Variants in ROBO2 observed in about 807,000 individuals in gnomAD.
The protein encoded by ROBO2 is roundabout guidance receptor 2.
In ROBO2, 53 loss-of-function variants were observed where a neutral mutation model predicts 160.8. That is an observed-to-expected ratio of 0.33 (90% CI 0.26 to 0.41). ROBO2 has a LOEUF of 0.41. Among genes scored for constraint, ROBO2 ranks in the 10% least tolerant of loss-of-function variants. The pLI, the probability that ROBO2 is intolerant of heterozygous loss-of-function variation, is 1.00. For missense variants in ROBO2, 1,577 were observed against 1,722.4 expected (o/e 0.92, Z 1.49); for synonymous variants, 664 against 611.7 (o/e 1.09, Z -1.26).
intron 2 of ROBO2, among the ~76,000 whole-genome samples, chr3:76,589,834 T>C (rs1456945175): frequency 6.6e-6 from 1 of 152,124 alleles, no homozygotes; most frequent in African/African-American, 2.4e-5. Context: ...TTGAATCATA[T>C]GATTTACTAC....
intron 2 of ROBO2, among the ~76,000 whole-genome samples, chr3:76,396,173 C>A (rs139771926): frequency 6.6e-6 from 1 of 151,882 alleles, no homozygotes; most frequent in Non-Finnish European, 1.5e-5. Context: ...TCAATATATG[C>A]AAATCAATAA....
intron 2 of ROBO2, among the ~76,000 whole-genome samples, chr3:76,800,989 G>A (rs919656268): frequency 3.3e-5 from 5 of 152,162 alleles, no homozygotes; most frequent in South Asian, 2.1e-4. Flanking sequence ...CCACAATTTG[G>A]AATTAACCTA....
intron 1 of ROBO2, among the ~76,000 whole-genome samples, chr3:77,075,392 A>G (rs2149873104): frequency 6.6e-6 from 1 of 152,216 alleles, no homozygotes; most frequent in African/African-American, 2.4e-5. Flanking sequence ...TCCCTCTGTC[A>G]CCGAGGCTAG....
intron 2 of ROBO2, among the ~76,000 whole-genome samples, chr3:77,314,892 T>C (rs2063843496): frequency 6.6e-6 from 1 of 152,208 alleles, no homozygotes; most frequent in African/African-American, 2.4e-5. Flanking sequence ...TTTTTGGCCT[T>C]CTTTTTGCTT....
intron 2 of ROBO2, among the ~76,000 whole-genome samples, chr3:76,055,531 A>T (rs747365635): frequency 2.7e-5 from 4 of 145,716 alleles, no homozygotes; most frequent in Admixed American, 6.7e-5. Flanking sequence ...AGTGTCTATT[A>T]TCTCCATCTT....
intron 2 of ROBO2, among the ~76,000 whole-genome samples, chr3:76,228,511 A>T (rs1704429809): frequency 1.3e-5 from 2 of 152,236 alleles, no homozygotes; most frequent in Non-Finnish European, 1.5e-5. Context: ...GAAGAAAAGT[A>T]TAAATTAAAT....
At chr3:77,044,346 A>G (rs1324215389) in intron 1 of ROBO2, among the ~76,000 whole-genome samples, 3 of 152,174 alleles carry the variant, frequency 2.0e-5, no homozygotes, top group African/African-American at 4.8e-5. Context: ...TGTGCCTAGT[A>G]ATATCTGCTG....
intron 2 of ROBO2, among the ~76,000 whole-genome samples, chr3:77,376,550 G>A (rs962755459): frequency 4.6e-5 from 7 of 152,098 alleles, no homozygotes; most frequent in Admixed American, 1.3e-4. Context: ...CATTGAAGAA[G>A]TTTAGGTGCT....
intron 2 of ROBO2, among the ~76,000 whole-genome samples, chr3:76,195,983 G>A (rs1046194754): frequency 9.2e-5 from 14 of 152,074 alleles, no homozygotes; most frequent in Admixed American, 2.0e-4. Flanking sequence ...TTCCCTTCTC[G>A]CATAAACCCA....
At chr3:76,546,432 G>A (rs140740009) in intron 2 of ROBO2, among the ~76,000 whole-genome samples, 148 of 151,850 alleles carry the variant, frequency 9.7e-4, no homozygotes, top group African/African-American at 3.4e-3. Context: ...TAGTTTGCAC[G>A]GCAAAGAGAA....
intron 1 of ROBO2, among the ~76,000 whole-genome samples, chr3:77,087,603 A>T (rs1441612150): frequency 6.6e-6 from 1 of 152,152 alleles, no homozygotes. Flanking sequence ...TTTGTTATTA[A>T]GAGGAAAATC....
intron 2 of ROBO2, among the ~76,000 whole-genome samples, chr3:76,539,409 A>G (rs1004896256): frequency 9.2e-5 from 14 of 152,062 alleles, no homozygotes; most frequent in African/African-American, 2.4e-4. Context: ...AAGATTCTGC[A>G]TTGTGTTTCA....
At chr3:77,170,139 C>G (rs1318560824) in intron 2 of ROBO2, among the ~76,000 whole-genome samples, 1 of 152,092 alleles carries the variant, frequency 6.6e-6, no homozygotes, top group Non-Finnish European at 1.5e-5. Flanking sequence ...TAGCTGATTC[C>G]TGTCTTTTCT....
intron 2 of ROBO2, among the ~76,000 whole-genome samples, chr3:76,708,107 T>C (rs1327504249): frequency 3.3e-5 from 5 of 152,172 alleles, no homozygotes; most frequent in African/African-American, 1.2e-4. Flanking sequence ...TATATCTTTA[T>C]ATCTCTGAAA....
At chr3:76,288,041 T>C (rs1272405315) in intron 2 of ROBO2, among the ~76,000 whole-genome samples, 1 of 152,244 alleles carries the variant, frequency 6.6e-6, no homozygotes, top group Non-Finnish European at 1.5e-5. Flanking sequence ...ATTTTTATTA[T>C]TTAATGTGAG....
chr3:76,415,305 AAC>A (rs1199156333), intron 2 of ROBO2, among the ~76,000 whole-genome samples: 1 of 152,168 alleles, frequency 6.6e-6, no homozygotes, highest in African/African-American at 2.4e-5. Flanking sequence ...AATGAAGGGT[AAC>A]AGAAATTATG....
chr3:77,040,048 G>GGCC, exon 1 of ROBO2: 1 of 172,796 alleles, frequency 5.8e-6, no homozygotes. Flanking sequence ...CCTCCGCCCG[G>GGCC]CCCCTCCCTC....
At chr3:76,964,587 C>T (rs376175174) in intron 2 of ROBO2, among the ~76,000 whole-genome samples, 2 of 152,222 alleles carry the variant, frequency 1.3e-5, no homozygotes, top group Non-Finnish European at 2.9e-5. Context: ...TCAGGTGATC[C>T]ACCCTCCTCA....
At chr3:76,075,472 A>ATTT (rs10686575) in intron 2 of ROBO2, among the ~76,000 whole-genome samples, 2,846 of 143,420 alleles carry the variant, frequency 0.02, 64 homozygotes, top group African/African-American at 0.041. Context: ...GACTTTTCCT[A>ATTT]TTTTTTTTTT....
Sources: gnomAD v4.1 joint callset for allele counts (sites outside exome capture counted in the v4.1 genomes callset) on GRCh38, gnomAD v4.1.1 for gene constraint, MANE v1.5 for transcripts, NCBI Gene and HGNC (gene_info 2026-07-23, HGNC 2026-07-21) for gene names.